The following TAF1 variants were observed in gnomAD, a reference collection of about 807,000 sequenced individuals.
TAF1 encodes TATA-box binding protein associated factor 1.
In TAF1, 2 loss-of-function variants were observed where a neutral mutation model predicts 138.5. The observed-to-expected ratio is 0.01, with a 90% confidence interval of 0.01 to 0.05. The LOEUF is 0.05. Among genes scored for constraint, TAF1 ranks in the 10% least tolerant of loss-of-function variants. TAF1 has a pLI of 1.00. For synonymous variants in TAF1, 437 were observed against 503.2 expected, an observed-to-expected ratio of 0.87 and a Z score of 1.76; for missense variants, 709 against 1,478.0, an observed-to-expected ratio of 0.48 and a Z score of 8.53.
At chrX:71,489,502 C>T (rs2039236138) in intron 13 of TAF1, among the ~76,000 whole-genome samples, 1 of 109,887 alleles carries the variant, frequency 9.1e-6, no homozygotes, top group Non-Finnish European at 1.9e-5. Flanking sequence ...CATGGAGAAA[C>T]CCCGTCTCTA....
At chrX:71,520,545 G>T (rs1243124314) in intron 13 of TAF1, among the ~76,000 whole-genome samples, 3 of 82,261 alleles carry the variant, frequency 3.6e-5, no homozygotes, top group Non-Finnish European at 7.0e-5. Flanking sequence ...ACCTGGGTGT[G>T]GGGGTGGGCA....
intron 32 of TAF1, among the ~76,000 whole-genome samples, chrX:71,429,767 T>TA (rs1445371066): frequency 3.7e-5 from 4 of 109,377 alleles, no homozygotes; most frequent in Non-Finnish European, 7.6e-5. Flanking sequence ...TCAATAAGAG[T>TA]AAAAAAATGA....
chrX:71,456,215 C>T (rs890153604), intron 34 of TAF1, among the ~76,000 whole-genome samples: 1 of 111,972 alleles, frequency 8.9e-6, no homozygotes, highest in Non-Finnish European at 1.9e-5. Flanking sequence ...TAAGCCTAGT[C>T]CTTTGGTGAG....
intron 28 of TAF1, among the ~76,000 whole-genome samples, chrX:71,410,277 A>G (rs1174589496): frequency 9.1e-6 from 1 of 109,963 alleles, no homozygotes; most frequent in Admixed American, 9.9e-5. Context: ...ACAGGCCCGT[A>G]GTGTTTAAAT....
At chrX:71,406,409 A>G (rs1470749989) in intron 25 of TAF1, among the ~76,000 whole-genome samples, 1 of 109,757 alleles carries the variant, frequency 9.1e-6, no homozygotes, top group Non-Finnish European at 1.9e-5. Context: ...TCTTCCCAAT[A>G]GGAAACTGAG....
chrX:71,435,522 G>A (rs894757726), intron 32 of TAF1, among the ~76,000 whole-genome samples: 4 of 111,808 alleles, frequency 3.6e-5, no homozygotes, highest in African/African-American at 1.3e-4. Context: ...TGCTATAATT[G>A]GCTTGCCTTC....
At chrX:71,420,974 C>T (rs755098378) in intron 28 of TAF1, among the ~76,000 whole-genome samples, 5 of 112,877 alleles carry the variant, frequency 4.4e-5, no homozygotes, top group South Asian at 3.6e-4. Flanking sequence ...CCCAGCCGCC[C>T]GCTGCCGCCT....
At chrX:71,519,536 G>C (rs1602108911) in intron 13 of TAF1, among the ~76,000 whole-genome samples, 1 of 106,493 alleles carries the variant, frequency 9.4e-6, no homozygotes, top group South Asian at 4.4e-4. Context: ...CCAGCTACTC[G>C]GGAGGCTGAG....
intron 32 of TAF1, among the ~76,000 whole-genome samples, chrX:71,430,862 T>C (rs2036850500): frequency 9.0e-6 from 1 of 110,918 alleles, no homozygotes; most frequent in Admixed American, 9.7e-5. Flanking sequence ...GGTGGTGCCA[T>C]TGACTAATAT....
chrX:71,396,897 C>G (rs2034883842), intron 22 of TAF1, among the ~76,000 whole-genome samples: 1 of 108,151 alleles, frequency 9.2e-6, no homozygotes, highest in Non-Finnish European at 1.9e-5. Context: ...TGGTGGTACA[C>G]GCCTGTAGTC....
At chrX:71,506,701 C>CAA (rs770560479) in intron 13 of TAF1, among the ~76,000 whole-genome samples, 5 of 63,522 alleles carry the variant, frequency 7.9e-5, no homozygotes, top group African/African-American at 1.7e-4. Context: ...GACCCTGTCT[C>CAA]AAAAAAAAAA....
chrX:71,386,378 G>GCTGTCCT (rs1272532461), intron 14 of TAF1, among the ~76,000 whole-genome samples: 1 of 111,505 alleles, frequency 9.0e-6, no homozygotes, highest in Non-Finnish European at 1.9e-5. Flanking sequence ...TTTCTGTTCA[G>GCTGTCCT]CTGTCCTCTG....
intron 32 of TAF1, among the ~76,000 whole-genome samples, chrX:71,445,691 A>C (rs2037661697): frequency 8.9e-6 from 1 of 111,732 alleles, no homozygotes; most frequent in Non-Finnish European, 1.9e-5. Flanking sequence ...ATGTACAAAA[A>C]CATCTTACTG....
At chrX:71,394,870 T>C (rs760672620) in intron 22 of TAF1, among the ~76,000 whole-genome samples, 6 of 111,636 alleles carry the variant, frequency 5.4e-5, no homozygotes, top group Non-Finnish European at 1.1e-4. Context: ...CCACCATGTC[T>C]GGCTAATTTT....
chrX:71,435,418 T>C (rs1429666137), intron 32 of TAF1, among the ~76,000 whole-genome samples: 2 of 111,798 alleles, frequency 1.8e-5, no homozygotes, highest in Non-Finnish European at 3.8e-5. Flanking sequence ...CTTGTTATTT[T>C]TCTATGGAGC....
At chrX:71,479,528 C>T (rs944650818) in intron 13 of TAF1, among the ~76,000 whole-genome samples, 2 of 111,152 alleles carry the variant, frequency 1.8e-5, no homozygotes, top group African/African-American at 3.3e-5. Context: ...ACTGAGATCA[C>T]GCCACTCCAC....
Position 71,421,290 on chromosome X carries a change from T to C in TAF1, c.4385-19T>C. Reference sequence around the variant, plus strand: ...GCCTCCCGTTATTAGTGGTTTCATCTCTTTCTGTTCCTCTACAGGGCCAAA... The same window carrying C: ...GCCTCCCGTTATTAGTGGTTTCATCCCTTTCTGTTCCTCTACAGGGCCAAA... On this transcript the variant is annotated intron_variant, in intron 28 of 37. Transcript: ENST00000423759. 1 of 1,200,489 alleles carries C rather than the reference T, an allele frequency of 8.3e-7. No homozygotes were observed. Among genetic ancestry groups the C allele is most frequent in the Non-Finnish European group, 1.1e-6 (1 of 886,120 alleles).
In TAF1 at chrX:71,366,498, A is replaced by AG; in HGVS notation, c.120+9dup. On this transcript the variant is annotated splice_donor_region_variant and intron_variant, in intron 1 of 37. Transcript: ENST00000423759. Reference sequence around the variant, plus strand: ...GGGGGAAAGCGTCTTGGATGATGTGAGGGGGTGGGCGTGGGGGTAGGGCTC... The same window carrying AG: ...GGGGGAAAGCGTCTTGGATGATGTGAGGGGGGTGGGCGTGGGGGTAGGGCTC... 5.0e-6 allele frequency: 1 copy of AG among 198,432 alleles called. No individual in the cohort carries two copies. The highest frequency in any genetic ancestry group is 7.0e-6 in the Non-Finnish European group (1 of 143,591). The allele number at this position is 198,432 out of a possible 1,213,427, so 16.4% of individuals were successfully genotyped here. A position where few individuals can be genotyped will look rare whatever the true frequency, so the allele number is the denominator to read the frequency against.
At chrX:71,367,663 CTATG>C in intron 2 of TAF1, 50 bp downstream of exon 2, 1 of 1,158,079 alleles carries the variant, frequency 8.6e-7, no homozygotes, top group Non-Finnish European at 1.2e-6. Context: ...TAGCCACCTA[CTATG>C]TATGTACTTT....
Sources: allele counts gnomAD v4.1 joint callset (sites outside exome capture counted in the v4.1 genomes callset), GRCh38; gene constraint gnomAD v4.1.1; transcripts MANE v1.5; gene names NCBI Gene and HGNC (gene_info 2026-07-23, HGNC 2026-07-21).